Variants in WDR70 observed in about 807,000 individuals in gnomAD.
WDR70 encodes WD repeat-containing protein 70.
WDR70 carries 53 observed loss-of-function variants against 88.6 expected under a neutral mutation model. The ratio of observed to expected loss-of-function variants is 0.60; its 90% CI spans 0.48 to 0.75. The LOEUF (loss-of-function observed/expected upper bound fraction) is 0.75. WDR70 is among the 30% of genes least tolerant of loss of function. WDR70 has a pLI of 0.00. For missense variants in WDR70, 610 were observed against 823.2 expected (o/e 0.74, Z 3.17); for synonymous variants, 280 against 270.0 (o/e 1.04, Z -0.36).
At chr5:37,723,403 A>C (rs1191988077) in intron 15 of WDR70, 2 of 154,184 alleles carry the variant, frequency 1.3e-5, no homozygotes, top group East Asian at 3.8e-4. Flanking sequence ...AGACTGATCC[A>C]CAGGAATTTG....
intron 9 of WDR70, among the ~76,000 whole-genome samples, chr5:37,581,407 C>T (rs2112426270): frequency 6.6e-6 from 1 of 152,256 alleles, no homozygotes; most frequent in East Asian, 1.9e-4. Flanking sequence ...TCTGAGAGGT[C>T]AAGTGACTTG....
chr5:37,623,955 C>T (rs965016866), intron 10 of WDR70, among the ~76,000 whole-genome samples: 2 of 152,258 alleles, frequency 1.3e-5, no homozygotes, highest in East Asian at 3.9e-4. Flanking sequence ...TCCTTCACTT[C>T]ACTGTTACGT....
At chr5:37,530,804 G>C (rs1561890618) in intron 9 of WDR70, among the ~76,000 whole-genome samples, 1 of 142,262 alleles carries the variant, frequency 7.0e-6, no homozygotes, top group South Asian at 2.2e-4. Flanking sequence ...GTTTCATTGA[G>C]TTATGCTCTG....
intron 9 of WDR70, among the ~76,000 whole-genome samples, chr5:37,538,853 AC>A (rs1422427562): frequency 6.6e-6 from 1 of 152,206 alleles, no homozygotes; most frequent in Non-Finnish European, 1.5e-5. Context: ...AAAAATGCTT[AC>A]TTATCCAAAG....
intron 5 of WDR70, among the ~76,000 whole-genome samples, chr5:37,397,700 A>G (rs1444553895): frequency 1.3e-5 from 2 of 152,214 alleles, no homozygotes; most frequent in Non-Finnish European, 2.9e-5. Context: ...TACAATTTTA[A>G]GAGTAATTGC....
At chr5:37,675,003 A>T (rs1746155887) in intron 10 of WDR70, among the ~76,000 whole-genome samples, 3 of 151,086 alleles carry the variant, frequency 2.0e-5, no homozygotes, top group South Asian at 4.2e-4. Context: ...GCATTTTTTC[A>T]TGTGTTTTTT....
intron 13 of WDR70, among the ~76,000 whole-genome samples, chr5:37,705,390 A>G (rs1747292866): frequency 6.6e-6 from 1 of 152,188 alleles, no homozygotes. Flanking sequence ...TCATCTGAGA[A>G]AAGCTGGAAG....
intron 9 of WDR70, among the ~76,000 whole-genome samples, chr5:37,601,710 T>C (rs1743889276): frequency 2.6e-5 from 4 of 152,148 alleles, no homozygotes; most frequent in Admixed American, 2.6e-4. Context: ...TTGTTATTGG[T>C]CTGGTCAGAT....
intron 5 of WDR70, among the ~76,000 whole-genome samples, chr5:37,412,043 A>G (rs1343175172): frequency 1.3e-5 from 2 of 152,006 alleles, no homozygotes; most frequent in East Asian, 3.9e-4. Flanking sequence ...TTTTCTTAGA[A>G]CTAAGTAAAA....
At chr5:37,639,121 A>G (rs1007967582) in intron 10 of WDR70, among the ~76,000 whole-genome samples, 2 of 152,160 alleles carry the variant, frequency 1.3e-5, no homozygotes, top group Non-Finnish European at 2.9e-5. Flanking sequence ...CAGTAGCATC[A>G]TTGTGTCAGA....
intron 10 of WDR70, among the ~76,000 whole-genome samples, chr5:37,679,613 C>T (rs576571195): frequency 1.3e-4 from 20 of 152,282 alleles, no homozygotes; most frequent in Non-Finnish European, 2.2e-4. Context: ...GAGGAGTACC[C>T]GGCCGTGTGA....
intron 5 of WDR70, among the ~76,000 whole-genome samples, chr5:37,410,712 T>G (rs745663757): frequency 3.0e-4 from 45 of 152,302 alleles, no homozygotes; most frequent in Admixed American, 6.5e-4. Context: ...GAATTGAACA[T>G]TTTTGGTTTT....
chr5:37,490,574 G>C (rs551837850), intron 8 of WDR70, among the ~76,000 whole-genome samples: 2 of 152,272 alleles, frequency 1.3e-5, no homozygotes, highest in African/African-American at 2.4e-5. Flanking sequence ...CAGGGTTGCT[G>C]TCTGTGGTAC....
rs187762707 is a variant in WDR70 at position 37,429,931 on chromosome 5, T to C, written c.493-7991T>C. Among the ~76,000 whole-genome samples, 353 of 152,366 alleles carry C rather than the reference T, an allele frequency of 2.3e-3. 2 individuals are homozygous for C. Among genetic ancestry groups the C allele is most frequent in the African/African-American group, 8.2e-3 (342 of 41,594 alleles). ...ATTGTATTGAATCTGTAGATTAGTT[T>C]TGAGAGCCTTACTTTCCTAACAATA... On this transcript the variant is annotated intron_variant, in intron 5 of 17. Transcript: ENST00000265107.
intron 11 of WDR70, among the ~76,000 whole-genome samples, chr5:37,700,000 A>G (rs1430234978): frequency 6.6e-6 from 1 of 152,038 alleles, no homozygotes; most frequent in Non-Finnish European, 1.5e-5. Context: ...ACTAAAAGCA[A>G]TAAAGTAACA....
At chr5:37,606,746 AT>A (rs1216663550) in intron 10 of WDR70, among the ~76,000 whole-genome samples, 3 of 152,074 alleles carry the variant, frequency 2.0e-5, no homozygotes, top group Non-Finnish European at 2.9e-5. Context: ...ACCATATCTC[AT>A]TTGTTATATT....
intron 9 of WDR70, among the ~76,000 whole-genome samples, chr5:37,561,274 A>G (rs1742495313): frequency 6.6e-6 from 1 of 152,178 alleles, no homozygotes; most frequent in Non-Finnish European, 1.5e-5. Context: ...GGTATCCTCT[A>G]TCCTCTCTCT....
At chr5:37,607,956 A>C (rs6874891) in intron 10 of WDR70, among the ~76,000 whole-genome samples, 70,274 of 151,644 alleles carry the variant, frequency 0.46, 17,915 homozygotes, top group Non-Finnish European at 0.58. Flanking sequence ...GAGAGGGGGA[A>C]AGAATAGTGG....
At chr5:37,422,790 A>T (rs9885218) in intron 5 of WDR70, among the ~76,000 whole-genome samples, 2,021 of 151,522 alleles carry the variant, frequency 0.013, 43 homozygotes, top group African/African-American at 0.046. Flanking sequence ...CCTCAGCTAA[A>T]TTTTTTTTGT....
Sources: allele counts gnomAD v4.1 joint callset (sites outside exome capture counted in the v4.1 genomes callset), GRCh38; gene constraint gnomAD v4.1.1; transcripts MANE v1.5; gene names NCBI Gene and HGNC (gene_info 2026-07-23, HGNC 2026-07-21).